DPRX: variants seen among roughly 807,000 people sequenced by gnomAD.
DPRX encodes the protein divergent-paired related homeobox, also known as divergent paired-related homeobox.
Under a neutral mutation model 8.4 loss-of-function variants are expected in DPRX, and 11 were observed. The observed-to-expected ratio is 1.31, with a 90% CI of 0.82 to 2.17. The LOEUF (loss-of-function observed/expected upper bound fraction) is 2.17, where lower values mean the gene tolerates loss of function less well. DPRX is among the 30% of genes most tolerant of loss of function. DPRX has a pLI of 0.00. For synonymous variants in DPRX, 72 were observed against 87.0 expected (o/e 0.83, Z 0.96); for missense variants, 211 against 236.7 (o/e 0.89, Z 0.71).
the DPRX span, among the ~76,000 whole-genome samples, chr19:53,621,716 A>G: frequency 6.6e-6 from 1 of 151,988 alleles, no homozygotes. Context: ...ACCTGGAGGT[A>G]GAGGTTGCAG....
the DPRX span, among the ~76,000 whole-genome samples, chr19:53,618,447 T>G: frequency 6.6e-6 from 1 of 151,578 alleles, no homozygotes. Context: ...AAATAAATAC[T>G]AATTAAAAAA....
chr19:53,630,518 C>T (rs2091088547), upstream of DPRX, among the ~76,000 whole-genome samples: 2 of 152,068 alleles, frequency 1.3e-5, no homozygotes, highest in Non-Finnish European at 2.9e-5. Flanking sequence ...TGCCACTGCA[C>T]TCCAGGCTGG....
chr19:53,612,152 G>A, the DPRX span, among the ~76,000 whole-genome samples: 1 of 151,528 alleles, frequency 6.6e-6, no homozygotes, highest in South Asian at 2.1e-4. Context: ...GGGGGGCCAA[G>A]GCAGGAGAAT....
chr19:53,604,091 T>TCCA, the DPRX span, among the ~76,000 whole-genome samples: 965 of 152,218 alleles, frequency 6.3e-3, 12 homozygotes, highest in African/African-American at 0.021. Context: ...GTAGCGGCAT[T>TCCA]CCACGCTGCC....
chr19:53,602,709 A>G, the DPRX span, among the ~76,000 whole-genome samples: 2 of 151,346 alleles, frequency 1.3e-5, no homozygotes, highest in East Asian at 3.9e-4. Flanking sequence ...TAATTTTTGT[A>G]TTTTTAGTAG....
At chr19:53,614,608 A>C in the DPRX span, among the ~76,000 whole-genome samples, 1 of 152,178 alleles carries the variant, frequency 6.6e-6, no homozygotes, top group African/African-American at 2.4e-5. Flanking sequence ...TTTCTAAGAC[A>C]TCTTGTTATA....
rs569948300 is a variant in DPRX, at chr19:53,636,499, G to T, written c.184-97G>T. ...AAAAGAATATAAATAAATAAAATAC[G>T]TTTAACAAAATAAAAATTAAAAAGT... On this transcript the variant is annotated intron_variant, in intron 2 of 2. Coordinates refer to ENST00000376650, the Ensembl canonical transcript of DPRX. The T allele has an allele frequency of 5.8e-5, 59 of 1,009,200 alleles. No homozygotes were observed. In the African/African-American group the frequency reaches 8.8e-4, roughly 15 times the overall value. 62.5% of individuals were successfully genotyped at this position (1,009,200 alleles called of 1,614,324 possible). A position where few individuals can be genotyped will look rare whatever the true frequency, so the allele number is the denominator to read the frequency against.
At chr19:53,602,535 A>AT in the DPRX span, among the ~76,000 whole-genome samples, 2,523 of 124,144 alleles carry the variant, frequency 0.02, 45 homozygotes, top group African/African-American at 0.051. Context: ...AATTTTTTGT[A>AT]TTTTTTTTTT....
chr19:53,609,637 G>C, the DPRX span, among the ~76,000 whole-genome samples: 1 of 151,930 alleles, frequency 6.6e-6, no homozygotes, highest in Non-Finnish European at 1.5e-5. Context: ...AGGCCGAAGT[G>C]GGCAGATCAC....
At chr19:53,619,095 C>T in the DPRX span, among the ~76,000 whole-genome samples, 576 of 152,176 alleles carry the variant, frequency 3.8e-3, 2 homozygotes, top group African/African-American at 0.013. Flanking sequence ...TTCTGTTGAT[C>T]GGAATGACAC....
the DPRX span, among the ~76,000 whole-genome samples, chr19:53,605,377 A>ATT: frequency 3.6e-5 from 5 of 138,088 alleles, no homozygotes; most frequent in Non-Finnish European, 3.2e-5. Context: ...CACCCAGCTA[A>ATT]TTTTTTTTTT....
At chr19:53,621,897 G>C in the DPRX span, among the ~76,000 whole-genome samples, 6 of 152,248 alleles carry the variant, frequency 3.9e-5, no homozygotes, top group East Asian at 1.2e-3. Context: ...ATGTTTACCA[G>C]AGCAAACTAC....
intron 2 of DPRX, 143 bp downstream of exon 2, chr19:53,634,828 C>A: frequency 8.3e-7 from 1 of 1,199,366 alleles, no homozygotes; most frequent in Non-Finnish European, 1.1e-6. Flanking sequence ...CCCCGTAAAC[C>A]TTTCTTCAAC....
the DPRX span, among the ~76,000 whole-genome samples, chr19:53,610,990 C>T: frequency 1.3e-5 from 2 of 152,058 alleles, no homozygotes; most frequent in African/African-American, 4.8e-5. Context: ...GAAACCTCCG[C>T]CTCCCAGGTT....
the DPRX span, among the ~76,000 whole-genome samples, chr19:53,607,837 T>G: frequency 6.8e-6 from 1 of 146,530 alleles, no homozygotes; most frequent in Admixed American, 6.9e-5. Context: ...GGCGACAGAG[T>G]GAGACTCCAT....
chr19:53,615,365 C>T, the DPRX span, among the ~76,000 whole-genome samples: 1 of 152,084 alleles, frequency 6.6e-6, no homozygotes, highest in Non-Finnish European at 1.5e-5. Context: ...AATGTAACCT[C>T]CACCTCCTGG....
At chr19:53,620,270 C>T in the DPRX span, among the ~76,000 whole-genome samples, 377 of 152,068 alleles carry the variant, frequency 2.5e-3, 3 homozygotes, top group Non-Finnish European at 4.5e-3. Flanking sequence ...AGGGTTTCAC[C>T]ATGTTAGCCA....
rs535402782 is a variant in DPRX at position 53,632,157 on chromosome 19, C to T, written c.28+23C>T. 14 of 1,613,908 alleles carry T rather than the reference C, an allele frequency of 8.7e-6. No homozygotes were observed. In the East Asian group the frequency reaches 8.9e-5, roughly 10 times the overall value. On this transcript the variant is annotated intron_variant, in intron 1 of 2. Transcript: ENST00000376650. ...AAGGTAAGCCAGAAAAAATGAGAAC[C>T]GAAGCAAAGACACGTGAAGAAGTGG...
exon 3 of DPRX, chr19:53,636,902 T>G: frequency 6.2e-7 from 1 of 1,614,090 alleles, no homozygotes; most frequent in East Asian, 2.2e-5. Context: ...ATACTGCCTC[T>G]ACCCCATTTT....
Sources: allele counts gnomAD v4.1 joint callset (sites outside exome capture counted in the v4.1 genomes callset), GRCh38; gene constraint gnomAD v4.1.1; transcripts MANE v1.5; gene names NCBI Gene and HGNC (gene_info 2026-07-23, HGNC 2026-07-21).